Variants in NCAM1 observed in about 807,000 individuals in gnomAD.
The protein encoded by NCAM1 is antigen recognized by monoclonal antibody 5.1H11.
NCAM1 carries 14 observed loss-of-function variants against 109.8 expected under a neutral mutation model. The ratio of observed to expected loss-of-function variants is 0.13; its 90% CI spans 0.08 to 0.20. The LOEUF is 0.20. Ranked by LOEUF, NCAM1 falls within the 10% of genes least tolerant of loss-of-function variation. The pLI is 1.00. For missense variants in NCAM1, 774 were observed against 1,109.9 expected (o/e 0.70, Z 4.30); for synonymous variants, 418 against 442.9 (o/e 0.94, Z 0.70).
At chr11:113,173,901 G>T (rs1370343409) in intron 1 of NCAM1, among the ~76,000 whole-genome samples, 2 of 151,806 alleles carry the variant, frequency 1.3e-5, no homozygotes, top group African/African-American at 4.8e-5. Flanking sequence ...GATTGTTGTT[G>T]CTTCTAGCTA....
In NCAM1 at chr11:113,032,105, A is replaced by G. The variant is rs908811128; in HGVS notation, c.52+70441A>G. The stretch of plus-strand genomic sequence containing the variant: ...CACAGATGTGCCACCACATCCATCT[A>G]ATTTTTTTGTTTATTTTTAGAGATG... On this transcript the variant is annotated intron_variant, in intron 1 of 19. Coordinates refer to ENST00000316851, the MANE Select transcript of NCAM1 (RefSeq NM_181351.5). Among the ~76,000 whole-genome samples the G allele has an allele frequency of 2.6e-5, 4 of 151,762 alleles. No individual in the cohort carries two copies. The South Asian group carries it at 8.3e-4, about 32-fold the overall frequency.
intron 1 of NCAM1, among the ~76,000 whole-genome samples, chr11:112,972,804 A>G (rs905344312): frequency 1.3e-5 from 2 of 152,108 alleles, no homozygotes; most frequent in African/African-American, 4.8e-5. Context: ...TTCTTTATTT[A>G]GAGTCAAAGA....
intron 1 of NCAM1, among the ~76,000 whole-genome samples, chr11:113,179,308 A>G (rs1468836869): frequency 6.6e-6 from 1 of 152,264 alleles, no homozygotes; most frequent in Admixed American, 6.5e-5. Flanking sequence ...ATTCCTAAGT[A>G]AAGAATTTGC....
rs145897838 is a variant in NCAM1 at position 113,134,347 on chromosome 11, A to T, written c.53-68032A>T. Among the ~76,000 whole-genome samples the T allele has an allele frequency of 1.1e-4, 17 of 152,166 alleles. No homozygotes were observed. In the South Asian group the frequency reaches 3.3e-3, roughly 30 times the overall value. ...GTTTTTTAAGTCTGAATAATATTTCATTGTAGATATAGACCACATTTTGTT... is the reference window on the plus strand; with the variant it reads ...GTTTTTTAAGTCTGAATAATATTTCTTTGTAGATATAGACCACATTTTGTT... On this transcript the variant is annotated intron_variant, in intron 1 of 19. Transcript: ENST00000316851.
At chr11:113,163,610 CAGAG>C (rs1352830852) in intron 1 of NCAM1, among the ~76,000 whole-genome samples, 2 of 152,170 alleles carry the variant, frequency 1.3e-5, no homozygotes, top group Admixed American at 1.3e-4. Flanking sequence ...AGCCTTGTCT[CAGAG>C]AGGCCAGTAG....
Position 113,149,764 on chromosome 11 carries a change from T to C in NCAM1, c.53-52615T>C, listed in dbSNP as rs570830740. On this transcript the variant is annotated intron_variant, in intron 1 of 19. Transcript: ENST00000316851. The stretch of plus-strand genomic sequence containing the variant: ...GATGGATTAGCCAAACTTTGTTTCC[T>C]AGCCAGAGAACAAACTGAATTACTA... Among the ~76,000 whole-genome samples the C allele has an allele frequency of 2.3e-4, 35 of 152,382 alleles. No homozygotes were observed. The South Asian group carries it at 5.4e-3, about 23-fold the overall frequency.
intron 1 of NCAM1, among the ~76,000 whole-genome samples, chr11:113,007,665 T>C (rs1411210545): frequency 6.6e-6 from 1 of 152,232 alleles, no homozygotes; most frequent in African/African-American, 2.4e-5. Context: ...GATATAGTTG[T>C]GATTGCCTGT....
chr11:113,127,448 C>T (rs1941222495), intron 1 of NCAM1, among the ~76,000 whole-genome samples: 2 of 152,132 alleles, frequency 1.3e-5, no homozygotes, highest in South Asian at 4.2e-4. Context: ...ATAAAGCTTG[C>T]ATCGTACTAT....
At chr11:113,159,306 A>G (rs781997283) in intron 1 of NCAM1, among the ~76,000 whole-genome samples, 6 of 152,186 alleles carry the variant, frequency 3.9e-5, no homozygotes, top group Non-Finnish European at 7.4e-5. Context: ...AATTGTATAT[A>G]TTTCTTAAGT....
intron 1 of NCAM1, among the ~76,000 whole-genome samples, chr11:113,114,020 C>G (rs1555094318): frequency 6.6e-6 from 1 of 152,164 alleles, no homozygotes; most frequent in Admixed American, 6.5e-5. Context: ...ATTCTGATGC[C>G]CAGTGCTTCA....
chr11:113,072,538 T>G (rs1314605337), intron 1 of NCAM1, among the ~76,000 whole-genome samples: 1 of 152,188 alleles, frequency 6.6e-6, no homozygotes, highest in Non-Finnish European at 1.5e-5. Context: ...TTTGTTGAAT[T>G]ATGTCGTTTC....
chr11:113,200,653 G>A (rs1418059368), intron 1 of NCAM1, among the ~76,000 whole-genome samples: 1 of 152,158 alleles, frequency 6.6e-6, no homozygotes, highest in Non-Finnish European at 1.5e-5. Flanking sequence ...AGGATGTGGT[G>A]ATGTCTGAGA....
chr11:113,101,088 T>C (rs1213846089), intron 1 of NCAM1, among the ~76,000 whole-genome samples: 3 of 152,090 alleles, frequency 2.0e-5, no homozygotes, highest in African/African-American at 7.2e-5. Context: ...GTTTATGTTA[T>C]GCCTGGAGGA....
rs183682631 is a variant in NCAM1, at chr11:113,274,135, A to G, written c.2457-1132A>G. On this transcript the variant is annotated intron_variant, in intron 19 of 19. Coordinates refer to ENST00000316851, the MANE Select transcript of NCAM1 (RefSeq NM_181351.5). The surrounding 1 kb of genome is among the most constrained non-coding windows in gnomAD (Gnocchi z 4.1). Reference sequence around the variant, plus strand: ...TTATTCAGTGCCAGGCTGAGTCCCTACCAGAAAGGCACTGATGTGCAGGAA... The same window carrying G: ...TTATTCAGTGCCAGGCTGAGTCCCTGCCAGAAAGGCACTGATGTGCAGGAA... Among the ~76,000 whole-genome samples the G allele has an allele frequency of 7.9e-5, 12 of 152,176 alleles. No individual in the cohort carries two copies. Among genetic ancestry groups the G allele is most frequent in the Admixed American group, 6.5e-4 (10 of 15,298 alleles).
intron 1 of NCAM1, among the ~76,000 whole-genome samples, chr11:113,087,571 A>G (rs539678235): frequency 6.6e-6 from 1 of 152,302 alleles, no homozygotes; most frequent in African/African-American, 2.4e-5. Context: ...TGACCCCAGA[A>G]AAACCCTTCC....
intron 1 of NCAM1, among the ~76,000 whole-genome samples, chr11:112,992,827 A>C (rs968214473): frequency 4.6e-5 from 7 of 152,114 alleles, no homozygotes; most frequent in Middle Eastern, 3.2e-3. Context: ...CTGAACTCTT[A>C]TCTCTTCTAG....
At chr11:113,026,978 A>G (rs1316155321) in intron 1 of NCAM1, among the ~76,000 whole-genome samples, 1 of 152,160 alleles carries the variant, frequency 6.6e-6, no homozygotes, top group Non-Finnish European at 1.5e-5. Context: ...GCTTGTTCAG[A>G]TTAGCAACCT....
chr11:113,260,121 CCTT>C lies in NCAM1; in HGVS notation c.1954-21_1954-19del, dbSNP rs1555123013. The C allele has an allele frequency of 5.0e-6, 8 of 1,594,068 alleles. No individual in the cohort carries two copies. In the South Asian group the frequency reaches 5.8e-5, roughly 11 times the overall value. The stretch of plus-strand genomic sequence containing the variant: ...CTAAAGCTTTTTTGGTCTCTTGTAT[CCTT>C]CTTGCCGGTTTCTCCCAGAAGCTCT... On this transcript the variant is annotated intron_variant, in intron 16 of 19. Transcript: ENST00000316851.
intron 1 of NCAM1, among the ~76,000 whole-genome samples, chr11:113,144,271 A>G (rs1555100985): frequency 6.6e-6 from 1 of 152,152 alleles, no homozygotes; most frequent in East Asian, 1.9e-4. Flanking sequence ...TGTGATTATA[A>G]CTGGTCTTTG....
Sources: gnomAD v4.1 joint callset for allele counts (sites outside exome capture counted in the v4.1 genomes callset) on GRCh38, gnomAD v4.1.1 for gene constraint, Gnocchi (gnomAD v3.1) non-coding constraint, MANE v1.5 for transcripts, NCBI Gene and HGNC (gene_info 2026-07-23, HGNC 2026-07-21) for gene names.